Variants in GLMN observed in about 807,000 individuals in gnomAD.
GLMN encodes the protein glomulin.
In GLMN, 75 loss-of-function variants were observed where a neutral mutation model predicts 87.8. The ratio of observed to expected loss-of-function variants is 0.85; its 90% CI spans 0.71 to 1.04. The LOEUF is 1.04. Ranked by LOEUF, GLMN falls within the 50% of genes least tolerant of loss-of-function variation. The pLI, the probability that GLMN is intolerant of heterozygous loss-of-function variation, is 0.00. For missense variants in GLMN, 588 were observed against 658.8 expected (o/e 0.89, Z 1.18); for synonymous variants, 206 against 221.6 (o/e 0.93, Z 0.63).
intron 16 of GLMN, among the ~76,000 whole-genome samples, chr1:92,261,121 C>T (rs934961569): frequency 6.6e-6 from 1 of 152,222 alleles, no homozygotes; most frequent in African/African-American, 2.4e-5. Flanking sequence ...AGGGCCTCTA[C>T]TGCTGCTGAA....
the GLMN span, among the ~76,000 whole-genome samples, chr1:92,328,325 A>G: frequency 3.9e-5 from 6 of 152,148 alleles, no homozygotes; most frequent in African/African-American, 1.2e-4. Flanking sequence ...CATAATCCCA[A>G]ACTTCTTGGA....
intron 16 of GLMN, among the ~76,000 whole-genome samples, chr1:92,250,514 TCA>T (rs1653328535): frequency 6.6e-6 from 1 of 152,180 alleles, no homozygotes; most frequent in South Asian, 2.1e-4. Context: ...GTTTTCCCAT[TCA>T]CACGGGGTAA....
chr1:92,363,832 T>C, the GLMN span: 3 of 257,932 alleles, frequency 1.2e-5, no homozygotes, highest in East Asian at 3.1e-4. Flanking sequence ...GCTTACTTTA[T>C]TATAAGGATC....
intron 7 of GLMN, among the ~76,000 whole-genome samples, chr1:92,282,526 A>C (rs1648193133): frequency 6.6e-6 from 1 of 152,252 alleles, no homozygotes; most frequent in Non-Finnish European, 1.5e-5. Flanking sequence ...AAAGCAGGAA[A>C]GAGCTAAAAT....
chr1:92,303,791 C>T (rs1252156007), upstream of GLMN, among the ~76,000 whole-genome samples: 1 of 151,956 alleles, frequency 6.6e-6, no homozygotes, highest in Non-Finnish European at 1.5e-5. Flanking sequence ...TTTGAATGCT[C>T]ACTATATGTT....
At chr1:92,299,059 A>C (rs1385948696), upstream of GLMN, 2 of 1,454,030 alleles carry the variant, frequency 1.4e-6, no homozygotes. Flanking sequence ...CCCGTCCGGC[A>C]GACTACTCTC....
chr1:92,259,446 G>C (rs1654713862), intron 16 of GLMN, among the ~76,000 whole-genome samples: 1 of 152,056 alleles, frequency 6.6e-6, no homozygotes, highest in African/African-American at 2.4e-5. Flanking sequence ...TGAGGAAGGA[G>C]GGCTTACGAA....
intron 16 of GLMN, among the ~76,000 whole-genome samples, chr1:92,257,209 T>C (rs1269729778): frequency 6.6e-6 from 1 of 152,060 alleles, no homozygotes; most frequent in East Asian, 1.9e-4. Flanking sequence ...GTGAAAGACC[T>C]CTTCAAGGAG....
chr1:92,267,828 TG>T, intron 11 of GLMN, 84 bp downstream of exon 11: 1 of 785,186 alleles, frequency 1.3e-6, no homozygotes, highest in Non-Finnish European at 2.3e-6. Context: ...GAGAAAAGAG[TG>T]GGAAAGGAAT....
chr1:92,338,939 T>C, the GLMN span, among the ~76,000 whole-genome samples: 6 of 152,180 alleles, frequency 3.9e-5, no homozygotes, highest in Middle Eastern at 3.4e-3. Flanking sequence ...GACTTGCCAT[T>C]CACCCTCCTG....
the GLMN span, among the ~76,000 whole-genome samples, chr1:92,330,803 C>T: frequency 2.0e-5 from 3 of 152,140 alleles, no homozygotes; most frequent in Non-Finnish European, 4.4e-5. Context: ...TTCAGAAACA[C>T]ACAAAGATAG....
intron 7 of GLMN, among the ~76,000 whole-genome samples, chr1:92,277,630 A>G (rs895551914): frequency 6.6e-6 from 1 of 152,196 alleles, no homozygotes; most frequent in Non-Finnish European, 1.5e-5. Context: ...GTAATCAATC[A>G]TTCCTACATA....
the GLMN span, among the ~76,000 whole-genome samples, chr1:92,314,519 G>T: frequency 6.6e-6 from 1 of 152,150 alleles, no homozygotes; most frequent in African/African-American, 2.4e-5. Context: ...GGAGGCCAAG[G>T]CCGGTGGATC....
the GLMN span, among the ~76,000 whole-genome samples, chr1:92,358,618 C>T: frequency 5.9e-5 from 9 of 151,990 alleles, no homozygotes; most frequent in South Asian, 1.7e-3. Flanking sequence ...GACAGGGTCT[C>T]GCTCTGTCAC....
the GLMN span, among the ~76,000 whole-genome samples, chr1:92,339,681 A>G: frequency 1.3e-5 from 2 of 152,092 alleles, no homozygotes; most frequent in African/African-American, 2.4e-5. Flanking sequence ...AGAATTGATA[A>G]GTAGTGACTA....
At chr1:92,266,845 G>T in intron 11 of GLMN, 104 bp from the exon 12 acceptor site, 3 of 730,494 alleles carry the variant, frequency 4.1e-6, no homozygotes, top group South Asian at 3.5e-5. Context: ...GAGAAGTGAG[G>T]GTAGGAGATT....
chr1:92,345,782 TAGAA>T, the GLMN span: 179 of 1,005,992 alleles, frequency 1.8e-4, no homozygotes, highest in South Asian at 1.5e-3. Context: ...TGATGTTATC[TAGAA>T]AGAAATAGAA....
chr1:92,338,840 C>T, the GLMN span, among the ~76,000 whole-genome samples: 1 of 151,776 alleles, frequency 6.6e-6, no homozygotes, highest in African/African-American at 2.4e-5. Flanking sequence ...GAACTCTTGC[C>T]CTCAAGGGAT....
intron 7 of GLMN, among the ~76,000 whole-genome samples, chr1:92,286,117 A>G (rs1477218154): frequency 6.6e-6 from 1 of 151,924 alleles, no homozygotes; most frequent in African/African-American, 2.4e-5. Flanking sequence ...ATGTTGAACT[A>G]TATGGCACAG....
Sources: allele counts gnomAD v4.1 joint callset (sites outside exome capture counted in the v4.1 genomes callset), GRCh38; gene constraint gnomAD v4.1.1; transcripts MANE v1.5; gene names NCBI Gene and HGNC (gene_info 2026-07-23, HGNC 2026-07-21).